Variants in FMN1 observed in about 807,000 individuals in gnomAD.
The protein encoded by FMN1 is formin 1.
A neutral mutation model predicts 132.4 loss-of-function variants in FMN1; 110 were observed. The ratio of observed to expected loss-of-function variants is 0.83; its 90% CI spans 0.71 to 0.97. The LOEUF is 0.97. Among genes scored for constraint, FMN1 ranks in the 50% least tolerant of loss-of-function variants. FMN1 has a pLI of 0.00. For synonymous variants in FMN1, 722 were observed against 651.7 expected, an observed-to-expected ratio of 1.11 and a Z score of -1.64; for missense variants, 1,792 against 1,705.3, an observed-to-expected ratio of 1.05 and a Z score of -0.90.
At chr15:33,035,709 A>G (rs1444420374) in intron 6 of FMN1, among the ~76,000 whole-genome samples, 2 of 152,120 alleles carry the variant, frequency 1.3e-5, no homozygotes, top group East Asian at 3.8e-4. Context: ...TTTCTTTTCC[A>G]TAGCATCTAT....
chr15:32,864,747 C>T, intron 16 of FMN1, among the ~76,000 whole-genome samples: 1 of 151,680 alleles, frequency 6.6e-6, no homozygotes. Flanking sequence ...CAAACAAGTG[C>T]CTTTTTATAT....
At chr15:32,931,256 A>G (rs1396854536) in intron 9 of FMN1, among the ~76,000 whole-genome samples, 1 of 152,202 alleles carries the variant, frequency 6.6e-6, no homozygotes, top group Non-Finnish European at 1.5e-5. Flanking sequence ...GAGGAACTGC[A>G]CTGAATCTGT....
intron 4 of FMN1, among the ~76,000 whole-genome samples, chr15:33,115,945 C>T (rs915006545): frequency 6.6e-6 from 1 of 152,050 alleles, no homozygotes; most frequent in South Asian, 2.1e-4. Context: ...TTCTCTCACA[C>T]ACCTGCTTGC....
intron 16 of FMN1, among the ~76,000 whole-genome samples, chr15:32,870,912 T>C (rs894132431): frequency 6.6e-6 from 1 of 152,124 alleles, no homozygotes. Flanking sequence ...AAAGAAAACA[T>C]TGTCAAGAAT....
chr15:32,990,137 A>T (rs1596410866), intron 7 of FMN1, among the ~76,000 whole-genome samples: 1 of 152,180 alleles, frequency 6.6e-6, no homozygotes, highest in Non-Finnish European at 1.5e-5. Context: ...CTCAGGAAGA[A>T]GTTTGAATTC....
At chr15:32,833,058 C>G (rs1180372086) in intron 17 of FMN1, among the ~76,000 whole-genome samples, 5 of 152,146 alleles carry the variant, frequency 3.3e-5, no homozygotes, top group Admixed American at 3.3e-4. Context: ...CTCCCCTCCT[C>G]CTCTGCTCTG....
At chr15:32,844,905 T>C (rs1039331664) in intron 17 of FMN1, among the ~76,000 whole-genome samples, 2 of 152,232 alleles carry the variant, frequency 1.3e-5, no homozygotes, top group African/African-American at 2.4e-5. Context: ...CCACATACAT[T>C]AGTCCTGCGT....
chr15:33,067,271 T>C lies in FMN1; in HGVS notation c.2044-2197A>G, dbSNP rs781691759. The stretch of plus-strand genomic sequence containing the variant: ...CATCTCAGGTGGAATCCTTTGAGGA[T>C]CTTCTGCACAGAGCTCTGCACCATT... On this transcript the variant is annotated intron_variant, in intron 5 of 20. Transcript: ENST00000616417. The C allele has an allele frequency of 3.7e-6, 6 of 1,613,644 alleles. No individual in the cohort carries two copies. The South Asian group carries it at 6.6e-5, about 18-fold the overall frequency.
chr15:33,132,954 G>A (rs1391467286), intron 4 of FMN1, among the ~76,000 whole-genome samples: 2 of 152,124 alleles, frequency 1.3e-5, no homozygotes, highest in Admixed American at 6.5e-5. Flanking sequence ...ATACATGCCT[G>A]GGAAAGGACC....
chr15:32,857,157 T>C (rs1334279737), intron 16 of FMN1, 50 bp from the exon 17 acceptor site: 1 of 1,408,034 alleles, frequency 7.1e-7, no homozygotes, highest in Non-Finnish European at 1.0e-6. Context: ...TTTGCTGAGC[T>C]CCTGCTATGG....
At chr15:32,830,294 A>G (rs150334671) in intron 17 of FMN1, among the ~76,000 whole-genome samples, 10 of 152,346 alleles carry the variant, frequency 6.6e-5, no homozygotes, top group African/African-American at 2.4e-4. Context: ...TTTTAAAAAT[A>G]ATCACCCCTA....
intron 3 of FMN1, among the ~76,000 whole-genome samples, chr15:33,174,407 G>A (rs553663570): frequency 2.6e-5 from 4 of 152,162 alleles, no homozygotes; most frequent in African/African-American, 7.2e-5. Context: ...GTGTGAAAGA[G>A]CATATGCTTG....
chr15:32,963,188 T>C (rs984421328), intron 9 of FMN1, among the ~76,000 whole-genome samples: 1 of 151,276 alleles, frequency 6.6e-6, no homozygotes, highest in African/African-American at 2.4e-5. Context: ...TTCACGTCCT[T>C]TGTAGGGACA....
intron 4 of FMN1, among the ~76,000 whole-genome samples, chr15:33,092,748 C>T (rs147723922): frequency 0.02 from 3,032 of 152,296 alleles, 58 homozygotes; most frequent in South Asian, 0.091. Flanking sequence ...ATAGTTGCCT[C>T]ATACACTATC....
At chr15:32,826,814 A>G (rs536583896) in intron 17 of FMN1, among the ~76,000 whole-genome samples, 1 of 152,308 alleles carries the variant, frequency 6.6e-6, no homozygotes, top group South Asian at 2.1e-4. Flanking sequence ...TGGAAATGCT[A>G]TTCTCTTATG....
At chr15:32,778,289 T>C (rs1393164778) in intron 19 of FMN1, among the ~76,000 whole-genome samples, 2 of 145,036 alleles carry the variant, frequency 1.4e-5, no homozygotes, top group African/African-American at 5.0e-5. Flanking sequence ...TATATATATA[T>C]ATTTTTTTGA....
chr15:32,982,872 G>C (rs1269989767), intron 7 of FMN1, among the ~76,000 whole-genome samples: 1 of 152,004 alleles, frequency 6.6e-6, no homozygotes, highest in African/African-American at 2.4e-5. Context: ...ACAGACCACA[G>C]CTATACTGTC....
intron 7 of FMN1, among the ~76,000 whole-genome samples, chr15:32,988,612 C>T (rs953533652): frequency 6.6e-6 from 1 of 152,178 alleles, no homozygotes; most frequent in African/African-American, 2.4e-5. Flanking sequence ...GGAAGAGGCT[C>T]GACTTTCAGT....
chr15:33,053,186 G>A (rs1295202230), intron 6 of FMN1, among the ~76,000 whole-genome samples: 1 of 152,136 alleles, frequency 6.6e-6, no homozygotes, highest in Non-Finnish European at 1.5e-5. Flanking sequence ...ACTGGTGGAC[G>A]CCAGCCAACT....
Sources: gnomAD v4.1 joint callset for allele counts (sites outside exome capture counted in the v4.1 genomes callset) on GRCh38, gnomAD v4.1.1 for gene constraint, MANE v1.5 for transcripts, NCBI Gene and HGNC (gene_info 2026-07-23, HGNC 2026-07-21) for gene names.